BRINP2: variants seen among roughly 807,000 people sequenced by gnomAD.
The protein encoded by BRINP2 is BMP/retinoic acid-inducible neural-specific protein 2.
In BRINP2, 21 loss-of-function variants were observed where a neutral mutation model predicts 69.2. The ratio of observed to expected loss-of-function variants is 0.30; its 90% CI spans 0.22 to 0.44. The LOEUF is 0.44. Among genes scored for constraint, BRINP2 ranks in the 20% least tolerant of loss-of-function variants. BRINP2 has a pLI of 1.00. For missense variants in BRINP2, 877 were observed against 986.0 expected (o/e 0.89, Z 1.48); for synonymous variants, 380 against 394.1 (o/e 0.96, Z 0.42).
chr1:177,266,621 G>A (rs572534203), intron 4 of BRINP2, among the ~76,000 whole-genome samples: 22 of 151,756 alleles, frequency 1.4e-4, no homozygotes, highest in South Asian at 1.3e-3. Context: ...TTAGCCGGGC[G>A]TGGTGGCGGG....
At chr1:177,221,286 C>T (rs1469475256) in intron 1 of BRINP2, among the ~76,000 whole-genome samples, 1 of 152,158 alleles carries the variant, frequency 6.6e-6, no homozygotes, top group Non-Finnish European at 1.5e-5. Flanking sequence ...GTTTGGTACA[C>T]AGTAACTAAT....
At chr1:177,280,185 A>G (rs1430452373) in intron 7 of BRINP2, among the ~76,000 whole-genome samples, 1 of 152,172 alleles carries the variant, frequency 6.6e-6, no homozygotes, top group Non-Finnish European at 1.5e-5. Flanking sequence ...TCTCAGTACA[A>G]ATTTGGTGTC....
intron 2 of BRINP2, among the ~76,000 whole-genome samples, chr1:177,239,500 T>C (rs1248287023): frequency 6.6e-6 from 1 of 152,204 alleles, no homozygotes; most frequent in African/African-American, 2.4e-5. Flanking sequence ...GTTAAGTAAA[T>C]CCCTACCACC....
intron 2 of BRINP2, among the ~76,000 whole-genome samples, chr1:177,231,872 G>T (rs1649869858): frequency 6.6e-6 from 1 of 151,772 alleles, no homozygotes; most frequent in Admixed American, 6.6e-5. Flanking sequence ...CAGAGTAGAG[G>T]GTTAACTCAG....
intron 4 of BRINP2, among the ~76,000 whole-genome samples, chr1:177,272,182 C>G (rs1385360937): frequency 1.3e-5 from 2 of 152,136 alleles, no homozygotes; most frequent in African/African-American, 4.8e-5. Flanking sequence ...ACAGATGGTG[C>G]CTCTTCTGCT....
In BRINP2 at chr1:177,281,685, AGAGAAACAGCTACTG is replaced by A. The variant is rs1293228819; in HGVS notation, c.*158_*172del. The A allele has an allele frequency of 7.3e-6, 7 of 959,836 alleles. No homozygotes were observed. The highest frequency in any genetic ancestry group is 1.1e-5 in the Non-Finnish European group (7 of 654,444). 59.5% of individuals were successfully genotyped at this position (959,836 alleles called of 1,614,324 possible). ...CGAGGCTCGAGCTGAAGCAGGCGAG[AGAGAAACAGCTACTG>A]CGTGCGTGCGCGCACGCATACACAC... On this transcript the variant is annotated 3_prime_UTR_variant, in exon 8 of 8. Coordinates refer to ENST00000361539, the MANE Select transcript of BRINP2 (RefSeq NM_021165.4).
At chr1:177,234,250 C>A (rs368039728) in intron 2 of BRINP2, among the ~76,000 whole-genome samples, 20 of 152,160 alleles carry the variant, frequency 1.3e-4, no homozygotes, top group African/African-American at 4.3e-4. Flanking sequence ...ATGTGAAATG[C>A]ACTTGTTCAA....
chr1:177,265,895 C>T (rs916213794), intron 4 of BRINP2, among the ~76,000 whole-genome samples: 11 of 151,796 alleles, frequency 7.2e-5, no homozygotes, highest in African/African-American at 2.4e-4. Context: ...CCAAGGTGAG[C>T]GGATCACAAG....
At chr1:177,175,675 C>G (rs2102284965) in intron 1 of BRINP2, among the ~76,000 whole-genome samples, 1 of 152,204 alleles carries the variant, frequency 6.6e-6, no homozygotes, top group South Asian at 2.1e-4. Flanking sequence ...GCTTCCAGGT[C>G]AAAAGTAAAA....
chr1:177,216,141 C>A (rs562031410), intron 1 of BRINP2, among the ~76,000 whole-genome samples: 1 of 152,088 alleles, frequency 6.6e-6, no homozygotes, highest in South Asian at 2.1e-4. Flanking sequence ...TAAAAACTTA[C>A]TATTGCCATT....
intron 4 of BRINP2, among the ~76,000 whole-genome samples, chr1:177,268,238 T>G (rs1651189578): frequency 6.6e-6 from 1 of 152,168 alleles, no homozygotes; most frequent in African/African-American, 2.4e-5. Flanking sequence ...TCTCACACAT[T>G]TAGTACTTAC....
intron 1 of BRINP2, among the ~76,000 whole-genome samples, chr1:177,215,216 TG>T (rs1454994417): frequency 6.6e-6 from 1 of 152,234 alleles, no homozygotes; most frequent in East Asian, 1.9e-4. Flanking sequence ...CCATTTGTGT[TG>T]TCACAAATGA....
chr1:177,213,754 A>C (rs909070461), intron 1 of BRINP2, among the ~76,000 whole-genome samples: 4 of 152,178 alleles, frequency 2.6e-5, no homozygotes, highest in Admixed American at 2.6e-4. Flanking sequence ...AAGGATTTTC[A>C]CACAGCTTTC....
intron 1 of BRINP2, among the ~76,000 whole-genome samples, chr1:177,191,238 A>T (rs1648586895): frequency 6.6e-6 from 1 of 152,230 alleles, no homozygotes; most frequent in Non-Finnish European, 1.5e-5. Flanking sequence ...TTCAAAGGAC[A>T]GCTAAGTCTT....
intron 1 of BRINP2, among the ~76,000 whole-genome samples, chr1:177,179,679 C>T (rs950757259): frequency 6.6e-6 from 1 of 152,112 alleles, no homozygotes; most frequent in Non-Finnish European, 1.5e-5. Flanking sequence ...TCACTCAGAA[C>T]CTTAGCAAAG....
chr1:177,273,502 G>C lies in BRINP2; in HGVS notation c.684G>C (p.Arg228Ser). The change falls in exon 5 of 8, where the codon AGG (arginine) becomes AGC (serine). Residue 228 changes from arginine (R) to serine (S), a missense_variant. Physicochemically the swap from Arg to Ser is moderately radical, Grantham distance 110 (BLOSUM62 -1). Transcript: ENST00000361539. ...TCCTTCTCTAGGTCACCGAGACCAG[G>C]ACCGGTCCTCTGGGCTGCAGCAACT... is the stretch of plus-strand genomic sequence containing the variant. ...ATGAIKVTET[R>S]TGPLGCSNYD... The C allele has an allele frequency of 6.2e-7, 1 of 1,610,882 alleles. No homozygotes were observed. Among genetic ancestry groups the C allele is most frequent in the Non-Finnish European group, 8.5e-7 (1 of 1,178,348 alleles).
chr1:177,174,702 G>C (rs1035895094), intron 1 of BRINP2, among the ~76,000 whole-genome samples: 1 of 152,178 alleles, frequency 6.6e-6, no homozygotes, highest in Non-Finnish European at 1.5e-5. Flanking sequence ...AAACTTCGAG[G>C]CTTGCTTGAT....
chr1:177,212,900 G>T lies in BRINP2; in HGVS notation c.-76-16901G>T, dbSNP rs148924133. ...TTTGGAACCAAGATCTTGAAGCTAG[G>T]TGAGCGCCACTGGGCACTACTGGGT... On this transcript the variant is annotated intron_variant, in intron 1 of 7. Coordinates refer to ENST00000361539, the MANE Select transcript of BRINP2 (RefSeq NM_021165.4). Among the ~76,000 whole-genome samples, 602 of 152,302 alleles carry T rather than the reference G, an allele frequency of 4.0e-3. 6 individuals are homozygous for T. Among genetic ancestry groups the T allele is most frequent in the African/African-American group, 0.014 (579 of 41,574 alleles).
chr1:177,207,135 T>A (rs1030468567), intron 1 of BRINP2, among the ~76,000 whole-genome samples: 1 of 152,112 alleles, frequency 6.6e-6, no homozygotes, highest in Non-Finnish European at 1.5e-5. Flanking sequence ...AGTTGCTAGA[T>A]CTGAATTAAA....
Sources: gnomAD v4.1 joint callset for allele counts (sites outside exome capture counted in the v4.1 genomes callset) on GRCh38, gnomAD v4.1.1 for gene constraint, MANE v1.5 for transcripts, NCBI Gene and HGNC (gene_info 2026-07-23, HGNC 2026-07-21) for gene names.